The following PHF19 variants were observed in gnomAD, a reference collection of about 807,000 sequenced individuals.
The protein encoded by PHF19 is polycomb like 3.
A neutral mutation model predicts 79.8 loss-of-function variants in PHF19; 21 were observed. The ratio of observed to expected loss-of-function variants is 0.26; its 90% CI spans 0.19 to 0.38. The LOEUF (loss-of-function observed/expected upper bound fraction) is 0.38, where lower values mean the gene tolerates loss of function less well. Ranked by LOEUF, PHF19 falls within the 10% of genes least tolerant of loss-of-function variation. PHF19 has a pLI of 1.00. For missense variants in PHF19, 445 were observed against 744.2 expected, an observed-to-expected ratio of 0.60 and a Z score of 4.68; for synonymous variants, 273 against 296.3, an observed-to-expected ratio of 0.92 and a Z score of 0.81.
At chr9:120,899,453 G>A (rs1264782202), upstream of PHF19, among the ~76,000 whole-genome samples, 12 of 139,392 alleles carry the variant, frequency 8.6e-5, no homozygotes, top group African/African-American at 3.0e-4. Context: ...CCGAGATCAC[G>A]CCACTGCACT....
At chr9:120,896,468 T>C (rs2046403106), upstream of PHF19, among the ~76,000 whole-genome samples, 1 of 144,204 alleles carries the variant, frequency 6.9e-6, no homozygotes, top group African/African-American at 2.6e-5. Context: ...TTTTTTTTTT[T>C]TGAGACGGAG....
In PHF19 at chr9:120,862,756, G is replaced by C; in HGVS notation, c.969-7C>G. On this transcript the variant is annotated splice_region_variant and splice_polypyrimidine_tract_variant and intron_variant, in intron 10 of 14. Coordinates refer to ENST00000373896, the MANE Select transcript of PHF19 (RefSeq NM_015651.3). The surrounding 1 kb of genome is among the most constrained non-coding windows in gnomAD (Gnocchi z 4.6). ...CTCCTTGCCGCAGAGGAACCTGGGG[G>C]TGGGCAGTGGGAGGAAGAAGCTCTG... 6.2e-7 allele frequency: 1 copy of C among 1,613,894 alleles called. No homozygotes were observed. The highest frequency in any genetic ancestry group is 8.5e-7 in the Non-Finnish European group (1 of 1,179,844).
At chr9:120,867,160 A>G (rs1292864162) in intron 6 of PHF19, among the ~76,000 whole-genome samples, 195 bp from the exon 7 acceptor site, 1 of 152,242 alleles carries the variant, frequency 6.6e-6, no homozygotes, top group African/African-American at 2.4e-5. Context: ...CCACCTGGTA[A>G]AAGATGGGAC....
chr9:120,870,650 A>G lies in PHF19; in HGVS notation c.269-112T>C, dbSNP rs561015608. ...TGCTAGGCCTAGCGCTGGGCCCCAC[A>G]TGCCACCTCACTGAATCTCCCCAAC... On this transcript the variant is annotated intron_variant, in intron 3 of 14. Transcript: ENST00000373896. The surrounding 1 kb of genome is among the most constrained non-coding windows in gnomAD (Gnocchi z 4.4). The G allele has an allele frequency of 9.0e-6, 6 of 665,982 alleles. No homozygotes were observed. The East Asian group carries it at 1.1e-4, about 12-fold the overall frequency. 41.3% of individuals were successfully genotyped at this position (665,982 alleles called of 1,614,324 possible).
chr9:120,887,848 G>A (rs536648112), intron 1 of PHF19, among the ~76,000 whole-genome samples: 1 of 152,296 alleles, frequency 6.6e-6, no homozygotes, highest in African/African-American at 2.4e-5. Flanking sequence ...ACAAGCATCT[G>A]TATACATACC....
chr9:120,897,525 C>G (rs1210282719), upstream of PHF19, among the ~76,000 whole-genome samples: 1 of 152,258 alleles, frequency 6.6e-6, no homozygotes, highest in Middle Eastern at 3.4e-3. Context: ...TAGTGCTATC[C>G]AGTGGAAATA....
intron 1 of PHF19, among the ~76,000 whole-genome samples, chr9:120,887,645 CACACACA>C: frequency 2.0e-5 from 1 of 51,222 alleles, no homozygotes. Context: ...CACACACACA[CACACACA>C]GACACACACA....
chr9:120,875,732 G>A (rs970793316), intron 1 of PHF19: 6 of 152,460 alleles, frequency 3.9e-5, no homozygotes, highest in Admixed American at 1.3e-4. Flanking sequence ...AGCACCCAGT[G>A]CTAAACAGGC....
intron 1 of PHF19, among the ~76,000 whole-genome samples, chr9:120,883,555 TCGAGC>T (rs2046219414): frequency 6.6e-6 from 1 of 152,126 alleles, no homozygotes; most frequent in Non-Finnish European, 1.5e-5. Context: ...GCTCCGGAGT[TCGAGC>T]CCAGCCTGGG....
chr9:120,902,590 C>G, the PHF19 span: 2 of 152,238 alleles, frequency 1.3e-5, no homozygotes, highest in East Asian at 1.9e-4. Context: ...CTCCCTCCCC[C>G]ATCCTGCCAC....
At chr9:120,892,524 G>A (rs187318099) in intron 1 of PHF19, among the ~76,000 whole-genome samples, 1 of 152,298 alleles carries the variant, frequency 6.6e-6, no homozygotes, top group Admixed American at 6.5e-5. Context: ...CCTCAGCAAT[G>A]GTGTGCCAGT....
chr9:120,860,002 G>A lies in PHF19; in HGVS notation c.1400+88C>T, dbSNP rs2045471854. The A allele has an allele frequency of 1.4e-6, 1 of 735,942 alleles. No individual in the cohort carries two copies. The highest frequency in any genetic ancestry group is 1.7e-5 in the African/African-American group (1 of 57,674). The allele number at this position is 735,942 out of a possible 1,614,324, so 45.6% of individuals were successfully genotyped here. ...CCAGAGACTGAGACACATAGAATGA[G>A]CCACACATTACAGAAGTGGGAGGTG... On this transcript the variant is annotated intron_variant, in intron 14 of 14. Coordinates refer to ENST00000373896, the MANE Select transcript of PHF19 (RefSeq NM_015651.3). This position sits in a 1 kb window ranked among gnomAD's most constrained non-coding sequence, Gnocchi z 4.1.
intron 8 of PHF19, 35 bp from the exon 9 acceptor site, chr9:120,865,865 G>A: frequency 3.1e-6 from 5 of 1,613,798 alleles, no homozygotes; most frequent in Non-Finnish European, 4.2e-6. Flanking sequence ...GACCAGGTGA[G>A]GTGGCAGCCT....
intron 1 of PHF19, among the ~76,000 whole-genome samples, chr9:120,888,910 T>C (rs1020387613): frequency 1.3e-5 from 2 of 152,204 alleles, no homozygotes; most frequent in Non-Finnish European, 2.9e-5. Flanking sequence ...TGTTGCATTT[T>C]CCATGTGCCT....
At chr9:120,880,188 T>A (rs991728128), upstream of PHF19, among the ~76,000 whole-genome samples, 2 of 152,186 alleles carry the variant, frequency 1.3e-5, no homozygotes, top group Admixed American at 6.5e-5. Context: ...AATTAATGAA[T>A]TATCCATGAA....
In PHF19 at chr9:120,862,443, G is replaced by C; in HGVS notation, c.1130+145C>G. 3.0e-6 allele frequency: 2 copies of C among 670,364 alleles called. No homozygotes were observed. Among genetic ancestry groups the C allele is most frequent in the Non-Finnish European group, 5.1e-6 (2 of 390,432 alleles). The allele number at this position is 670,364 out of a possible 1,614,324, so 41.5% of individuals were successfully genotyped here. On this transcript the variant is annotated intron_variant, in intron 11 of 14. Coordinates refer to ENST00000373896, the MANE Select transcript of PHF19 (RefSeq NM_015651.3). This position sits in a 1 kb window ranked among gnomAD's most constrained non-coding sequence, Gnocchi z 4.6. ...GGTGGTGAAAGGAGTTGGGGATCTG[G>C]GATCTGGGATCCCGCTCAGCCACTA... is the stretch of plus-strand genomic sequence containing the variant.
chr9:120,864,184 ACTCC>A (rs2045626794), intron 9 of PHF19, 68 bp from the exon 10 acceptor site: 1 of 1,298,796 alleles, frequency 7.7e-7, no homozygotes, highest in Non-Finnish European at 1.1e-6. Context: ...CCAAGCCCCT[ACTCC>A]CTCCCTTCCA....
chr9:120,877,328 C>G, upstream of PHF19: 1 of 980,902 alleles, frequency 1.0e-6, no homozygotes, highest in Non-Finnish European at 1.2e-6. Flanking sequence ...CCATCTTTTT[C>G]GCGTTTTCCC....
rs2045501181 is a variant in PHF19 at position 120,860,887 on chromosome 9, T to C, written c.1304+202A>G. On this transcript the variant is annotated intron_variant, in intron 13 of 14. Transcript: ENST00000373896. This position sits in a 1 kb window ranked among gnomAD's most constrained non-coding sequence, Gnocchi z 4.1. ...ACAGCATGGTGAGTGTGGATAACCA[T>C]GGGGCAAGGTGGGGAGGGCTGGAGA... 1.8e-6 allele frequency: 1 copy of C among 547,156 alleles called. No homozygotes were observed. The highest frequency in any genetic ancestry group is 2.0e-5 in the South Asian group (1 of 49,990). 33.9% of individuals were successfully genotyped at this position (547,156 alleles called of 1,614,324 possible).
Sources: gnomAD v4.1 joint callset for allele counts (sites outside exome capture counted in the v4.1 genomes callset) on GRCh38, gnomAD v4.1.1 for gene constraint, Gnocchi (gnomAD v3.1) non-coding constraint, MANE v1.5 for transcripts, NCBI Gene and HGNC (gene_info 2026-07-23, HGNC 2026-07-21) for gene names.